The following RAF1 variants were observed in gnomAD, a reference collection of about 807,000 sequenced individuals.
RAF1 encodes RAF proto-oncogene serine/threonine-protein kinase.
A neutral mutation model predicts 81.1 loss-of-function variants in RAF1; 27 were observed. The ratio of observed to expected loss-of-function variants is 0.33; its 90% CI spans 0.25 to 0.46. RAF1 has a LOEUF of 0.46. RAF1 is among the 20% of genes least tolerant of loss of function. The probability of loss-of-function intolerance (pLI) is 1.00; values close to 1 mark genes in which losing one functional copy is unlikely to be tolerated. For synonymous variants in RAF1, 298 were observed against 294.0 expected (o/e 1.01, Z -0.14); for missense variants, 598 against 826.0 (o/e 0.72, Z 3.38).
At chr3:12,663,395 G>T (rs904453) in intron 1 of RAF1, among the ~76,000 whole-genome samples, 70,693 of 151,984 alleles carry the variant, frequency 0.47, 17,172 homozygotes, top group East Asian at 0.91. Flanking sequence ...TCTCTAAAAG[G>T]GTGTCACTTG....
chr3:12,614,640 G>A (rs552783353), intron 2 of RAF1, among the ~76,000 whole-genome samples: 1 of 151,650 alleles, frequency 6.6e-6, no homozygotes, highest in South Asian at 2.1e-4. Context: ...TGCCCAGGCT[G>A]GTCTCAAACT....
rs558310528 is a variant in RAF1 at position 12,595,971 on chromosome 3, G to A, written c.1168+3720C>T. ...GCTCACTGCAGCCTCTATCTCCCAG[G>A]CTCAAGTGATCCTCCTGCCTCAGTT... On this transcript the variant is annotated intron_variant, in intron 11 of 17. Transcript: ENST00000442415. Among the ~76,000 whole-genome samples the A allele has an allele frequency of 8.7e-5, 13 of 149,720 alleles. No individual in the cohort carries two copies. In the East Asian group the frequency reaches 2.2e-3, roughly 25 times the overall value.
intron 11 of RAF1, among the ~76,000 whole-genome samples, chr3:12,592,965 T>C (rs1458196162): frequency 6.6e-6 from 1 of 151,792 alleles, no homozygotes; most frequent in Non-Finnish European, 1.5e-5. Context: ...GGTCTCGATC[T>C]CCTGACCTTG....
intron 1 of RAF1, among the ~76,000 whole-genome samples, chr3:12,619,611 C>G (rs1205308748): frequency 1.3e-5 from 2 of 150,232 alleles, no homozygotes; most frequent in South Asian, 2.1e-4. Context: ...GCCCAGGTCT[C>G]AAGACTTCTA....
intron 2 of RAF1, among the ~76,000 whole-genome samples, chr3:12,617,024 T>A (rs906750543): frequency 4.6e-5 from 7 of 152,190 alleles, no homozygotes; most frequent in African/African-American, 1.7e-4. Context: ...AACCTTTGCC[T>A]CCTGGGCTCA....
intron 1 of RAF1, among the ~76,000 whole-genome samples, chr3:12,630,976 G>GT (rs2059842679): frequency 6.6e-6 from 1 of 151,972 alleles, no homozygotes; most frequent in African/African-American, 2.4e-5. Context: ...ACTAATTTTT[G>GT]TATTTTTTTG....
chr3:12,654,852 G>A (rs553118417), intron 1 of RAF1, among the ~76,000 whole-genome samples: 3 of 150,822 alleles, frequency 2.0e-5, no homozygotes, highest in African/African-American at 7.3e-5. Context: ...CAAAGGTTCT[G>A]GTTTGCCCAT....
intron 8 of RAF1, among the ~76,000 whole-genome samples, chr3:12,601,585 T>A (rs2058863615): frequency 6.6e-6 from 1 of 152,130 alleles, no homozygotes; most frequent in Admixed American, 6.6e-5. Context: ...TCTCTTTGTG[T>A]AACTACAGTA....
In RAF1 at chr3:12,618,604, G is replaced by A. The variant is rs772390935; in HGVS notation, c.118C>T (p.Arg40Cys). ...AGTTTGCCATCATCTGATGCCCGGC[G>A]CTGATAGCCAAACTGCTGAACTATT... The change falls in exon 2 of 18, where the codon CGC becomes TGC. Residue 40 changes from arginine to cysteine, a missense_variant. Around this residue, in one of 5 missense-constraint regions of RAF1, gnomAD observed 83 missense variants for 72.3 expected, o/e 1.15. Transcript: ENST00000442415. 12 of 1,614,156 alleles carry A rather than the reference G, an allele frequency of 7.4e-6. No individual in the cohort carries two copies. The Admixed American group carries it at 1.8e-4, about 25-fold the overall frequency.
intron 1 of RAF1, among the ~76,000 whole-genome samples, chr3:12,624,495 TTC>T (rs1317232798): frequency 1.3e-5 from 2 of 152,194 alleles, no homozygotes; most frequent in Non-Finnish European, 2.9e-5. Flanking sequence ...ATACTGTAAT[TTC>T]TCTGACTAAA....
At chr3:12,621,732 C>G (rs1216565030) in intron 1 of RAF1, among the ~76,000 whole-genome samples, 1 of 152,104 alleles carries the variant, frequency 6.6e-6, no homozygotes, top group African/African-American at 2.4e-5. Context: ...AAATACCTAA[C>G]AATAGGGAAT....
At chr3:12,607,890 G>A (rs2059085221) in intron 5 of RAF1, among the ~76,000 whole-genome samples, 1 of 140,174 alleles carries the variant, frequency 7.1e-6, no homozygotes. Flanking sequence ...GGCAGAGGTT[G>A]CAGTGAGCCG....
Position 12,604,235 on chromosome 3 carries a change from G to C in RAF1, c.735C>G (p.Pro245=), listed in dbSNP as rs2058956309. Residue 245 remains proline, a synonymous_variant, in exon 7 of 18, where the codon CCC becomes CCG. Coordinates refer to ENST00000442415, the MANE Select transcript of RAF1 (RefSeq NM_001354689.3). The stretch of plus-strand genomic sequence containing the variant: ...TCTGGGAGAGGGAACCTTCAGATGA[G>C]GGACTGGAGGTGTTAAAGGTGAAGG... 1 of 1,614,144 alleles carries C rather than the reference G, an allele frequency of 6.2e-7. No homozygotes were observed. Among genetic ancestry groups the C allele is most frequent in the Non-Finnish European group, 8.5e-7 (1 of 1,179,992 alleles).
intron 11 of RAF1, 192 bp from the exon 11 acceptor site, chr3:12,591,984 C>T: frequency 1.6e-6 from 1 of 623,490 alleles, no homozygotes; most frequent in Non-Finnish European, 2.9e-6. Context: ...AGTGCAGTGG[C>T]ACATTGCAGC....
Position 12,600,531 on chromosome 3 carries a change from A to C in RAF1, c.895-116T>G, listed in dbSNP as rs1206625969. On this transcript the variant is annotated intron_variant, in intron 8 of 17. Coordinates refer to ENST00000442415, the MANE Select transcript of RAF1 (RefSeq NM_001354689.3). ...AAATAGATTATAAAAACCTCTAAAA[A>C]CCATAGAAATCCTAAACATACTCTA... 1.9e-5 allele frequency: 22 copies of C among 1,173,170 alleles called. No individual in the cohort carries two copies. The East Asian group carries it at 5.0e-4, about 26-fold the overall frequency. The allele number at this position is 1,173,170 out of a possible 1,614,324, so 72.7% of individuals were successfully genotyped here.
chr3:12,608,983 T>A lies in RAF1; in HGVS notation c.424-60A>T, dbSNP rs2454440. 1 allele frequency: 1,594,755 copies of A among 1,594,756 alleles called. 797,377 individuals carry two copies. Among genetic ancestry groups the A allele is most frequent in the Non-Finnish European group, 1 (1,165,242 of 1,165,242 alleles). ...TAAATAAAAGATGACAAAAGACAAC[T>A]TCATTTCTTGGCCTCCAAAAAAGTT... On this transcript the variant is annotated intron_variant, in intron 4 of 17. Transcript: ENST00000442415.
chr3:12,601,035 G>A (rs560918955), intron 8 of RAF1, among the ~76,000 whole-genome samples: 1 of 152,314 alleles, frequency 6.6e-6, no homozygotes, highest in South Asian at 2.1e-4. Flanking sequence ...TAAAAAGCCA[G>A]GGTGGGGAGG....
chr3:12,608,695 A>G, intron 5 of RAF1, 71 bp downstream of exon 5: 1 of 1,530,906 alleles, frequency 6.5e-7, no homozygotes, highest in Non-Finnish European at 9.1e-7. Flanking sequence ...GTCAAAATCT[A>G]CAACAAATAC....
At chr3:12,601,933 G>A (rs768045086) in intron 8 of RAF1, among the ~76,000 whole-genome samples, 1 of 152,192 alleles carries the variant, frequency 6.6e-6, no homozygotes, top group Non-Finnish European at 1.5e-5. Context: ...ATAACTGCCA[G>A]GTGGGCAAAA....
Sources: gnomAD v4.1 joint callset for allele counts (sites outside exome capture counted in the v4.1 genomes callset) on GRCh38, gnomAD v4.1.1 for gene constraint, gnomAD v4.1.1 regional missense constraint, MANE v1.5 for transcripts, NCBI Gene and HGNC (gene_info 2026-07-23, HGNC 2026-07-21) for gene names.